The following BPIFC variants were observed in gnomAD, a reference collection of about 807,000 sequenced individuals.
BPIFC encodes BPI fold containing family C.
BPIFC carries 60 observed loss-of-function variants against 57.6 expected under a neutral mutation model. The observed-to-expected ratio is 1.04, with a 90% CI of 0.85 to 1.29. BPIFC has a LOEUF of 1.29. Among genes scored for constraint, BPIFC ranks in the 50% most tolerant of loss-of-function variants. BPIFC has a pLI of 0.00. For synonymous variants in BPIFC, 243 were observed against 224.5 expected, an observed-to-expected ratio of 1.08 and a Z score of -0.74; for missense variants, 581 against 600.5, an observed-to-expected ratio of 0.97 and a Z score of 0.34.
At position 32,433,786 on chromosome 22, in the gene BPIFC, C is replaced by T. The variant is rs1368270727; in HGVS notation, c.925-14G>A. 5.6e-6 allele frequency: 9 copies of T among 1,610,542 alleles called. No homozygotes were observed. The highest frequency in any genetic ancestry group is 6.8e-6 in the Non-Finnish European group (8 of 1,176,944). On this transcript the variant is annotated splice_polypyrimidine_tract_variant and intron_variant, in intron 10 of 16. Transcript: ENST00000300399. ...ATGGTTGGAAATCTGGAAAATAAAG[C>T]CCATTATGTCACTGTTAGGATTTTA...
rs1241444164 is a variant in BPIFC, at chr22:32,430,898, A to C, written c.1217+449T>G. ...CCTCAAGCAATCCTCCCACTCCCAA[A>C]TTGCTGGGATTACAGGTGAGAGCCT... is the stretch of plus-strand genomic sequence containing the variant. On this transcript the variant is annotated intron_variant, in intron 13 of 16. Transcript: ENST00000300399. Among the ~76,000 whole-genome samples the C allele has an allele frequency of 3.3e-5, 5 of 152,012 alleles. No homozygotes were observed. The East Asian group carries it at 9.6e-4, about 29-fold the overall frequency.
At chr22:32,414,910 G>A (rs996795173) in intron 16 of BPIFC, among the ~76,000 whole-genome samples, 1 of 152,158 alleles carries the variant, frequency 6.6e-6, no homozygotes, top group African/African-American at 2.4e-5. Flanking sequence ...ACTGTCACCC[G>A]ATGTGACTTA....
At chr22:32,445,270 G>T (rs1404022769) in intron 7 of BPIFC, among the ~76,000 whole-genome samples, 1 of 152,216 alleles carries the variant, frequency 6.6e-6, no homozygotes, top group African/African-American at 2.4e-5. Flanking sequence ...AGGCGCGGTG[G>T]CTCATGCCTG....
rs1934761242 is a variant in BPIFC at position 32,447,404 on chromosome 22, T to C, written c.246-64A>G. 1.9e-6 allele frequency: 3 copies of C among 1,560,526 alleles called. No homozygotes were observed. In the South Asian group the frequency reaches 3.6e-5, roughly 19 times the overall value. On this transcript the variant is annotated intron_variant, in intron 4 of 16. Transcript: ENST00000300399. Reference sequence around the variant, plus strand: ...AGCACATCTCTTCAGTCAAGCAAACTTGGGAACACAGTTGCAGAGCTCTTA... The same window carrying C: ...AGCACATCTCTTCAGTCAAGCAAACCTGGGAACACAGTTGCAGAGCTCTTA...
chr22:32,451,453 A>G (rs1281409379), intron 4 of BPIFC, among the ~76,000 whole-genome samples: 1 of 152,232 alleles, frequency 6.6e-6, no homozygotes, highest in Non-Finnish European at 1.5e-5. Context: ...ACAAAAAACC[A>G]AACACCACAT....
chr22:32,459,594 C>T (rs557601348), intron 2 of BPIFC, among the ~76,000 whole-genome samples: 67 of 151,914 alleles, frequency 4.4e-4, no homozygotes, highest in African/African-American at 1.5e-3. Flanking sequence ...ATCCGGGAGG[C>T]GGAGCTTGCA....
intron 3 of BPIFC, among the ~76,000 whole-genome samples, chr22:32,455,150 A>T (rs1935005553): frequency 6.8e-6 from 1 of 147,434 alleles, no homozygotes; most frequent in Admixed American, 6.9e-5. Flanking sequence ...TCCTGGGTTC[A>T]AGTGATTCTC....
chr22:32,456,004 C>G (rs1387929671), intron 3 of BPIFC, among the ~76,000 whole-genome samples: 1 of 152,218 alleles, frequency 6.6e-6, no homozygotes, highest in African/African-American at 2.4e-5. Flanking sequence ...TTTATCATCC[C>G]ATTTTCCATA....
At chr22:32,441,567 G>A (rs893709358) in intron 8 of BPIFC, among the ~76,000 whole-genome samples, 23 of 152,146 alleles carry the variant, frequency 1.5e-4, no homozygotes, top group African/African-American at 5.5e-4. Flanking sequence ...CACAGAGGAG[G>A]CATAACTTTA....
intron 4 of BPIFC, among the ~76,000 whole-genome samples, chr22:32,450,034 G>A (rs1032858531): frequency 4.6e-5 from 7 of 151,520 alleles, no homozygotes; most frequent in Non-Finnish European, 7.4e-5. Context: ...ACGCCCAGCC[G>A]TGTACATGTA....
chr22:32,463,269 G>C (rs980787259), intron 1 of BPIFC, among the ~76,000 whole-genome samples: 2 of 152,298 alleles, frequency 1.3e-5, no homozygotes, highest in South Asian at 2.1e-4. Context: ...AAAAGGTTAA[G>C]TAATTTGGCT....
At chr22:32,461,507 G>A (rs1474985080) in intron 2 of BPIFC, 67 bp downstream of exon 2, 2 of 856,946 alleles carry the variant, frequency 2.3e-6, no homozygotes, top group Non-Finnish European at 2.8e-6. Flanking sequence ...GGGGTGTAAA[G>A]CCCTCCATGT....
At chr22:32,424,627 C>CCTCCTCTTCTTCTT (rs1569447884) in intron 13 of BPIFC, among the ~76,000 whole-genome samples, 3 of 49,456 alleles carry the variant, frequency 6.1e-5, no homozygotes, top group Non-Finnish European at 1.1e-4. Flanking sequence ...TCCTCCTCCT[C>CCTCCTCTTCTTCTT]CTCTTCTTCT....
rs537463434 is a variant in BPIFC at position 32,455,050 on chromosome 22, CATTTTTTT to C, written c.125-1555_125-1548del. ...GTACTATAATTTTCATTTTCATCTCCATTTTTTTTTTTTTTTTTTGAGACAGAGTCTCG... is the reference window on the plus strand; with the variant it reads ...GTACTATAATTTTCATTTTCATCTCCTTTTTTTTTTTGAGACAGAGTCTCG... On this transcript the variant is annotated intron_variant, in intron 3 of 16. Transcript: ENST00000300399. 1.2e-3 allele frequency among the ~76,000 whole-genome samples: 157 copies of C among 134,170 alleles called. 8 individuals carry two copies. The South Asian group carries it at 0.033, about 28-fold the overall frequency. 88.0% of individuals were successfully genotyped at this position (134,170 alleles called of 152,430 possible).
chr22:32,461,507 G>T, intron 2 of BPIFC, 67 bp downstream of exon 2: 1 of 857,064 alleles, frequency 1.2e-6, no homozygotes, highest in Non-Finnish European at 1.4e-6. Context: ...GGGGTGTAAA[G>T]CCCTCCATGT....
chr22:32,425,967 G>T (rs373641577), intron 13 of BPIFC, among the ~76,000 whole-genome samples: 1 of 152,108 alleles, frequency 6.6e-6, no homozygotes, highest in African/African-American at 2.4e-5. Context: ...TAAGAAACTC[G>T]CCTGAGATGC....
At position 32,436,339 on chromosome 22, in the gene BPIFC, AAGAGG is replaced by A. The variant is rs1412891210; in HGVS notation, c.748-464_748-460del. 3.4e-5 allele frequency among the ~76,000 whole-genome samples: 3 copies of A among 87,296 alleles called. No individual in the cohort carries two copies. The Admixed American group carries it at 3.9e-4, about 11-fold the overall frequency. The allele number at this position is 87,296 out of a possible 152,430, so 57.3% of individuals were successfully genotyped here. Reference sequence around the variant, plus strand: ...AAGAGGAAGAAGAAGAAGAAGAAAGAAGAGGAAGAGGAGGAGGAGGAGGAGGAGGA... The same window carrying A: ...AAGAGGAAGAAGAAGAAGAAGAAAGAAAGAGGAGGAGGAGGAGGAGGAGGA... On this transcript the variant is annotated intron_variant, in intron 9 of 16. Transcript: ENST00000300399.
chr22:32,433,605 C>A, intron 11 of BPIFC, 114 bp downstream of exon 11: 1 of 881,044 alleles, frequency 1.1e-6, no homozygotes. Context: ...AAAAAACTCC[C>A]AATAATAGAC....
intron 4 of BPIFC, among the ~76,000 whole-genome samples, chr22:32,449,738 C>CT (rs368385141): frequency 0.15 from 22,362 of 146,716 alleles, 1,928 homozygotes; most frequent in Non-Finnish European, 0.19. Context: ...ATGTACTTCT[C>CT]TTTTTTTCTT....
Sources: allele counts gnomAD v4.1 joint callset (sites outside exome capture counted in the v4.1 genomes callset), GRCh38; gene constraint gnomAD v4.1.1; transcripts MANE v1.5; gene names NCBI Gene and HGNC (gene_info 2026-07-23, HGNC 2026-07-21).